GPC6: variants seen among roughly 807,000 people sequenced by gnomAD.
The protein encoded by GPC6 is glypican 6.
GPC6 carries 14 observed loss-of-function variants against 55.2 expected under a neutral mutation model. That is an observed-to-expected ratio of 0.25 (90% CI 0.17 to 0.40). The LOEUF (loss-of-function observed/expected upper bound fraction) is 0.40, where lower values mean the gene tolerates loss of function less well. Ranked by LOEUF, GPC6 falls within the 10% of genes least tolerant of loss-of-function variation. The pLI is 1.00. For missense variants in GPC6, 641 were observed against 708.5 expected (o/e 0.90, Z 1.08); for synonymous variants, 278 against 259.6 (o/e 1.07, Z -0.68).
chr13:93,545,223 T>A (rs1874717392), intron 1 of GPC6, 40 bp from the exon 2 acceptor site: 1 of 1,562,860 alleles, frequency 6.4e-7, no homozygotes, highest in African/African-American at 1.3e-5. Flanking sequence ...CTACCAAAAG[T>A]CCTTAGAATG....
chr13:93,764,035 C>T (rs1382342385), intron 2 of GPC6, among the ~76,000 whole-genome samples: 1 of 152,024 alleles, frequency 6.6e-6, no homozygotes, highest in Non-Finnish European at 1.5e-5. Flanking sequence ...CTTTTGAATT[C>T]CTCAATAGGT....
chr13:94,208,304 G>T (rs904668964), intron 4 of GPC6, among the ~76,000 whole-genome samples: 1 of 152,152 alleles, frequency 6.6e-6, no homozygotes, highest in Non-Finnish European at 1.5e-5. Context: ...TGAAGTGGGC[G>T]TAAGTGCCTA....
intron 1 of GPC6, among the ~76,000 whole-genome samples, chr13:93,367,222 T>A (rs1386577551): frequency 6.6e-6 from 1 of 152,104 alleles, no homozygotes. Context: ...ATTCACTCTT[T>A]GTTAAATAAT....
intron 4 of GPC6, among the ~76,000 whole-genome samples, chr13:94,222,122 C>G (rs1890403655): frequency 6.6e-6 from 1 of 151,878 alleles, no homozygotes; most frequent in Non-Finnish European, 1.5e-5. Context: ...TCATCCATTA[C>G]CATTAAGATT....
At chr13:93,640,761 C>T (rs572018677) in intron 2 of GPC6, among the ~76,000 whole-genome samples, 3 of 87,490 alleles carry the variant, frequency 3.4e-5, no homozygotes, top group African/African-American at 1.7e-4. Flanking sequence ...CCTTCCCTCC[C>T]TCCTCCCCAC....
Position 94,286,452 on chromosome 13 carries a change from A to G in GPC6, c.981A>G (p.Gln327=). 2 of 1,613,832 alleles carry G rather than the reference A, an allele frequency of 1.2e-6. No homozygotes were observed. Among genetic ancestry groups the G allele is most frequent in the Non-Finnish European group, 1.7e-6 (2 of 1,179,748 alleles). The part of the protein sequence containing the change: ...VKISEAIMNM[Q]ENSMQVSAKV... ...TTTCTGAAGCCATTATGAACATGCA[A>G]GAAAACAGCATGCAGGTGTCTGCAA... The change falls in exon 5 of 9, where the codon CAA becomes CAG. Residue 327 remains glutamine, a synonymous_variant. Transcript: ENST00000377047.
intron 2 of GPC6, among the ~76,000 whole-genome samples, chr13:93,750,875 T>A (rs2138862063): frequency 6.6e-6 from 1 of 152,278 alleles, no homozygotes; most frequent in Middle Eastern, 3.4e-3. Flanking sequence ...CAACAGAAGT[T>A]GAGCCTGTGG....
At chr13:93,782,727 T>G (rs1885693641) in intron 2 of GPC6, among the ~76,000 whole-genome samples, 1 of 152,170 alleles carries the variant, frequency 6.6e-6, no homozygotes, top group Non-Finnish European at 1.5e-5. Flanking sequence ...GTATGTCTTC[T>G]TTTAAGAAAT....
At chr13:93,651,913 A>G (rs542310567) in intron 2 of GPC6, among the ~76,000 whole-genome samples, 92 of 152,268 alleles carry the variant, frequency 6.0e-4, no homozygotes, top group Middle Eastern at 3.4e-3. Context: ...GGGCCTGTAC[A>G]TCGGTATCCA....
intron 3 of GPC6, among the ~76,000 whole-genome samples, chr13:93,926,854 G>A (rs934524030): frequency 2.4e-4 from 37 of 151,938 alleles, no homozygotes; most frequent in African/African-American, 8.9e-4. Context: ...CCTAACTAGG[G>A]CAAATGTTTG....
chr13:94,319,161 G>T (rs1281809772), intron 6 of GPC6, among the ~76,000 whole-genome samples: 1 of 151,466 alleles, frequency 6.6e-6, no homozygotes, highest in Non-Finnish European at 1.5e-5. Flanking sequence ...CTTCTTTCTT[G>T]TGGGTCAATT....
At chr13:93,393,123 T>TAGAGAGAGAGAG (rs1213506339) in intron 1 of GPC6, among the ~76,000 whole-genome samples, 1 of 94,662 alleles carries the variant, frequency 1.1e-5, no homozygotes, top group African/African-American at 3.6e-5. Context: ...TATATATATA[T>TAGAGAGAGAGAG]ATATAGAGAG....
At chr13:93,716,062 AAC>A (rs1883245208) in intron 2 of GPC6, among the ~76,000 whole-genome samples, 1 of 151,726 alleles carries the variant, frequency 6.6e-6, no homozygotes, top group Admixed American at 6.6e-5. Context: ...ATAACATCAT[AAC>A]ACAGTGCATT....
At chr13:94,101,468 A>G (rs920301578) in intron 4 of GPC6, among the ~76,000 whole-genome samples, 23 of 152,198 alleles carry the variant, frequency 1.5e-4, no homozygotes, top group African/African-American at 5.5e-4. Flanking sequence ...ATGTGATTTC[A>G]TCTCAGTAGA....
intron 1 of GPC6, among the ~76,000 whole-genome samples, chr13:93,401,439 A>G (rs1247444550): frequency 6.6e-6 from 1 of 151,998 alleles, no homozygotes; most frequent in East Asian, 1.9e-4. Flanking sequence ...TAAACCAGAC[A>G]TGTCATATAG....
At chr13:93,264,827 AT>A (rs1162663996) in intron 1 of GPC6, among the ~76,000 whole-genome samples, 7 of 151,112 alleles carry the variant, frequency 4.6e-5, no homozygotes, top group South Asian at 2.1e-4. Context: ...TTTTAATTTT[AT>A]TTTTTTTTCC....
chr13:94,328,584 C>T (rs1343048669), intron 6 of GPC6, among the ~76,000 whole-genome samples: 2 of 152,200 alleles, frequency 1.3e-5, no homozygotes, highest in South Asian at 2.1e-4. Flanking sequence ...CAGGAGCAGA[C>T]GTGAAGAGAG....
At chr13:93,972,343 A>G (rs1332310659) in intron 3 of GPC6, among the ~76,000 whole-genome samples, 3 of 152,190 alleles carry the variant, frequency 2.0e-5, no homozygotes, top group Non-Finnish European at 2.9e-5. Context: ...CAGCCCTTGC[A>G]TATATAGATT....
Position 93,868,137 on chromosome 13 carries a change from A to T in GPC6, c.711+37592A>T, listed in dbSNP as rs115583652. Among the ~76,000 whole-genome samples the T allele has an allele frequency of 4.6e-3, 705 of 151,850 alleles. 8 individuals are homozygous for T. The highest frequency in any genetic ancestry group is 0.016 in the African/African-American group (676 of 41,492). ...CACACATGCTAAAAGTTTGATGCAT[A>T]ATATTTTTGGGTTAGACCACAATGC... On this transcript the variant is annotated intron_variant, in intron 3 of 8. Coordinates refer to ENST00000377047, the MANE Select transcript of GPC6 (RefSeq NM_005708.5).
Sources: allele counts gnomAD v4.1 joint callset (sites outside exome capture counted in the v4.1 genomes callset), GRCh38; gene constraint gnomAD v4.1.1; transcripts MANE v1.5; gene names NCBI Gene and HGNC (gene_info 2026-07-23, HGNC 2026-07-21).